DENND4C: variants seen among roughly 807,000 people sequenced by gnomAD.
DENND4C encodes the protein DENN domain-containing protein 4C.
DENND4C carries 108 observed loss-of-function variants against 203.0 expected under a neutral mutation model. The observed-to-expected ratio is 0.53, with a 90% CI of 0.46 to 0.62. The LOEUF (loss-of-function observed/expected upper bound fraction) is 0.62, where lower values mean the gene tolerates loss of function less well. Ranked by LOEUF, DENND4C falls within the 20% of genes least tolerant of loss-of-function variation. The pLI, the probability that DENND4C is intolerant of heterozygous loss-of-function variation, is 0.00. For missense variants in DENND4C, 2,481 were observed against 2,301.2 expected, an observed-to-expected ratio of 1.08 and a Z score of -1.60; for synonymous variants, 871 against 792.4, an observed-to-expected ratio of 1.10 and a Z score of -1.67.
chr9:19,264,773 G>GT (rs1039410493), intron 1 of DENND4C, among the ~76,000 whole-genome samples: 7 of 150,694 alleles, frequency 4.6e-5, no homozygotes, highest in Non-Finnish European at 5.9e-5. Flanking sequence ...CATCTTTTGT[G>GT]TTTTTTCTGT....
At chr9:19,291,846 G>T (rs1836384600) in intron 5 of DENND4C, among the ~76,000 whole-genome samples, 1 of 152,018 alleles carries the variant, frequency 6.6e-6, no homozygotes, top group Non-Finnish European at 1.5e-5. Flanking sequence ...GAACTAGAAG[G>T]TCTAATAGAT....
At chr9:19,300,938 G>C (rs1588875216) in intron 9 of DENND4C, among the ~76,000 whole-genome samples, 1 of 152,312 alleles carries the variant, frequency 6.6e-6, no homozygotes. Flanking sequence ...CCAGCAATTT[G>C]GGAGGCTGAG....
intron 10 of DENND4C, among the ~76,000 whole-genome samples, chr9:19,307,244 A>G (rs1173790333): frequency 6.6e-6 from 1 of 151,860 alleles, no homozygotes; most frequent in Non-Finnish European, 1.5e-5. Context: ...TAAAATAAAA[A>G]ATTAGCTAGG....
chr9:19,248,070 C>T (rs896448601), intron 1 of DENND4C, among the ~76,000 whole-genome samples: 1 of 152,120 alleles, frequency 6.6e-6, no homozygotes, highest in Non-Finnish European at 1.5e-5. Context: ...TTTGTTCTCA[C>T]AACAGCTAAA....
At chr9:19,235,175 G>C (rs1821621126) in intron 1 of DENND4C, among the ~76,000 whole-genome samples, 1 of 151,888 alleles carries the variant, frequency 6.6e-6, no homozygotes. Context: ...ATGTTGGCCA[G>C]GCTGGTCTTG....
intron 1 of DENND4C, among the ~76,000 whole-genome samples, chr9:19,262,684 G>A (rs968009064): frequency 3.3e-5 from 5 of 150,768 alleles, no homozygotes; most frequent in South Asian, 4.2e-4. Context: ...CATCTGCCTC[G>A]GCCTCCCAGA....
chr9:19,320,343 C>A, intron 12 of DENND4C, among the ~76,000 whole-genome samples: 1 of 151,994 alleles, frequency 6.6e-6, no homozygotes, highest in East Asian at 1.9e-4. Context: ...GGATTACAGG[C>A]GCGCACCACC....
At position 19,372,137 on chromosome 9, in the gene DENND4C, G is replaced by C; in HGVS notation, c.5841G>C (p.Glu1947Asp). Residue 1947 changes from glutamate (E) to aspartate (D), a missense_variant, in exon 33 of 33, where the codon GAG (glutamate) becomes GAC (aspartate). Coordinates refer to ENST00000434457, the MANE Select transcript of DENND4C (RefSeq NM_001330640.2). ...KIDAPPSASV[E>D]WCRKCFGAPL... ...ATGCTCCACCAAGTGCCAGTGTCGA[G>C]TGGTGCAGGAAGTGTTTTGGAGCGC... is the stretch of plus-strand genomic sequence containing the variant. 6.2e-7 allele frequency: 1 copy of C among 1,614,048 alleles called. No individual in the cohort carries two copies. Among genetic ancestry groups the C allele is most frequent in the Non-Finnish European group, 8.5e-7 (1 of 1,179,980 alleles).
At chr9:19,310,090 T>C (rs775912472) in intron 10 of DENND4C, among the ~76,000 whole-genome samples, 5 of 152,218 alleles carry the variant, frequency 3.3e-5, no homozygotes, top group Admixed American at 1.3e-4. Flanking sequence ...TTTCTACTTG[T>C]TGCTAGGAAA....
chr9:19,266,324 ATTTG>A, intron 1 of DENND4C, among the ~76,000 whole-genome samples: 1 of 152,142 alleles, frequency 6.6e-6, no homozygotes, highest in Middle Eastern at 3.4e-3. Context: ...TTTCTTGTAA[ATTTG>A]TTTAAGTTCT....
chr9:19,257,496 C>T (rs1049916827), intron 1 of DENND4C, among the ~76,000 whole-genome samples: 2 of 151,794 alleles, frequency 1.3e-5, no homozygotes, highest in African/African-American at 4.8e-5. Context: ...CCTTAAAAAA[C>T]TTGAAAAAGA....
intron 10 of DENND4C, among the ~76,000 whole-genome samples, chr9:19,311,652 T>C (rs572153510): frequency 6.6e-6 from 1 of 152,288 alleles, no homozygotes; most frequent in African/African-American, 2.4e-5. Flanking sequence ...CTTAAGCTTA[T>C]TTAATGCTTA....
chr9:19,285,800 A>G (rs542760179), intron 2 of DENND4C, among the ~76,000 whole-genome samples: 9 of 152,266 alleles, frequency 5.9e-5, no homozygotes, highest in Non-Finnish European at 7.4e-5. Flanking sequence ...TTCCAACACT[A>G]CATATTGAAA....
intron 1 of DENND4C, among the ~76,000 whole-genome samples, chr9:19,271,412 G>C (rs1831638585): frequency 6.6e-6 from 1 of 151,992 alleles, no homozygotes; most frequent in African/African-American, 2.4e-5. Flanking sequence ...TGTTGGCCAG[G>C]CTGTTCTTGA....
At chr9:19,232,371 G>A (rs1024708983) in intron 1 of DENND4C, among the ~76,000 whole-genome samples, 1 of 152,126 alleles carries the variant, frequency 6.6e-6, no homozygotes, top group African/African-American at 2.4e-5. Context: ...GAGATTAGGG[G>A]TCTGATCTTT....
At chr9:19,267,549 T>C (rs1405940872) in intron 1 of DENND4C, among the ~76,000 whole-genome samples, 1 of 152,174 alleles carries the variant, frequency 6.6e-6, no homozygotes, top group East Asian at 1.9e-4. Context: ...TTTTTTTGTT[T>C]TTTTAGAGAC....
chr9:19,361,131 G>C (rs753283915), intron 29 of DENND4C, among the ~76,000 whole-genome samples: 1 of 152,190 alleles, frequency 6.6e-6, no homozygotes, highest in Non-Finnish European at 1.5e-5. Context: ...CCCAACTGCT[G>C]GGATTACAGG....
intron 1 of DENND4C, among the ~76,000 whole-genome samples, chr9:19,244,894 T>G (rs1014449881): frequency 6.6e-6 from 1 of 152,228 alleles, no homozygotes; most frequent in Non-Finnish European, 1.5e-5. Context: ...CTTACTGGGT[T>G]GTTATGAATA....
intron 17 of DENND4C, 145 bp downstream of exon 17, chr9:19,332,329 T>C: frequency 1.6e-6 from 1 of 629,230 alleles, no homozygotes; most frequent in Non-Finnish European, 2.7e-6. Context: ...ATGGAGCTGG[T>C]GCATATTACT....
Sources: gnomAD v4.1 joint callset for allele counts (sites outside exome capture counted in the v4.1 genomes callset) on GRCh38, gnomAD v4.1.1 for gene constraint, MANE v1.5 for transcripts, NCBI Gene and HGNC (gene_info 2026-07-23, HGNC 2026-07-21) for gene names.